Variants in RBFOX1 observed in about 807,000 individuals in gnomAD.
The protein encoded by RBFOX1 is RNA binding protein fox-1 homolog 1.
RBFOX1 carries 8 observed loss-of-function variants against 57.7 expected under a neutral mutation model. That is an observed-to-expected ratio of 0.14 (90% CI 0.08 to 0.25). RBFOX1 has a LOEUF of 0.25. Ranked by LOEUF, RBFOX1 falls within the 10% of genes least tolerant of loss-of-function variation. The pLI is 1.00. For missense variants in RBFOX1, 611 were observed against 548.5 expected (o/e 1.11, Z -1.14); for synonymous variants, 326 against 222.4 (o/e 1.47, Z -4.15).
intron 2 of RBFOX1, among the ~76,000 whole-genome samples, chr16:6,496,747 G>A (rs1467843776): frequency 6.6e-6 from 1 of 152,070 alleles, no homozygotes; most frequent in African/African-American, 2.4e-5. Context: ...ATCGCTTGAG[G>A]TCAGGAGTTC....
At chr16:7,666,970 A>G (rs1308874857) in intron 13 of RBFOX1, among the ~76,000 whole-genome samples, 1 of 152,194 alleles carries the variant, frequency 6.6e-6, no homozygotes, top group Non-Finnish European at 1.5e-5. Context: ...GTTTGTTCAT[A>G]AAACTGCCCT....
intron 1 of RBFOX1, among the ~76,000 whole-genome samples, chr16:5,344,724 C>G (rs777621324): frequency 6.6e-6 from 1 of 152,102 alleles, no homozygotes; most frequent in Non-Finnish European, 1.5e-5. Flanking sequence ...ATATTTGATA[C>G]ATTTTTGGTT....
At chr16:7,182,808 C>T (rs571931832) in intron 4 of RBFOX1, among the ~76,000 whole-genome samples, 3 of 152,272 alleles carry the variant, frequency 2.0e-5, no homozygotes, top group Non-Finnish European at 2.9e-5. Flanking sequence ...CTTAGAAATG[C>T]CTTCCCTTAA....
At chr16:5,917,699 C>A (rs1421909427) in intron 4 of RBFOX1, among the ~76,000 whole-genome samples, 1 of 152,198 alleles carries the variant, frequency 6.6e-6, no homozygotes. Flanking sequence ...ACCGTTTCTT[C>A]CCTGGATACC....
chr16:6,531,745 G>C (rs7206841), intron 2 of RBFOX1, among the ~76,000 whole-genome samples: 42,073 of 152,020 alleles, frequency 0.28, 6,704 homozygotes, highest in Middle Eastern at 0.44. Flanking sequence ...AACATCAAAA[G>C]GGATTACATG....
intron 4 of RBFOX1, among the ~76,000 whole-genome samples, chr16:5,901,171 C>G (rs994048038): frequency 6.6e-6 from 1 of 152,186 alleles, no homozygotes; most frequent in African/African-American, 2.4e-5. Context: ...TCCCTGGACC[C>G]TCTCAGCTTA....
chr16:6,983,688 G>A (rs2089545237), intron 3 of RBFOX1: 1 of 152,310 alleles, frequency 6.6e-6, no homozygotes, highest in South Asian at 2.1e-4. Flanking sequence ...TCGGTTCCTG[G>A]GAAAACAGTG....
intron 4 of RBFOX1, among the ~76,000 whole-genome samples, chr16:7,217,056 T>TTCCTCCCTCCCTCC (rs2092219770): frequency 1.8e-5 from 1 of 56,040 alleles, no homozygotes; most frequent in African/African-American, 6.8e-5. Context: ...TCCCTCCCTC[T>TTCCTCCCTCCCTCC]CTCTCCCTCT....
At chr16:7,017,804 C>G (rs866688148) in intron 3 of RBFOX1, among the ~76,000 whole-genome samples, 3 of 152,166 alleles carry the variant, frequency 2.0e-5, no homozygotes, top group African/African-American at 7.2e-5. Context: ...TCGTGGTGTG[C>G]TTAAGCGTTT....
chr16:6,596,817 G>A (rs1243008790), intron 2 of RBFOX1, among the ~76,000 whole-genome samples: 2 of 152,136 alleles, frequency 1.3e-5, no homozygotes, highest in Admixed American at 1.3e-4. Flanking sequence ...GGTGGATAAG[G>A]CATTTACAAT....
chr16:6,747,726 C>G (rs2074049046), intron 3 of RBFOX1, among the ~76,000 whole-genome samples: 1 of 152,110 alleles, frequency 6.6e-6, no homozygotes, highest in African/African-American at 2.4e-5. Context: ...TTCTGGGCAC[C>G]ATCCGCTTCA....
intron 4 of RBFOX1, among the ~76,000 whole-genome samples, chr16:7,102,089 C>A (rs536495894): frequency 6.6e-6 from 1 of 152,270 alleles, no homozygotes; most frequent in East Asian, 1.9e-4. Context: ...TTCTAACTCA[C>A]AACCAAACAT....
At chr16:7,246,684 C>A (rs1292392598) in intron 4 of RBFOX1, among the ~76,000 whole-genome samples, 2 of 138,308 alleles carry the variant, frequency 1.4e-5, no homozygotes, top group Admixed American at 7.4e-5. Flanking sequence ...TTATTCCTTC[C>A]CTTTCCTCCT....
intron 3 of RBFOX1, among the ~76,000 whole-genome samples, chr16:6,729,180 A>C (rs2067942534): frequency 6.6e-6 from 1 of 152,132 alleles, no homozygotes; most frequent in Admixed American, 6.6e-5. Context: ...CTGTCTTTCC[A>C]AAATAGACTT....
At chr16:7,225,916 A>ATATG (rs2093078206) in intron 4 of RBFOX1, among the ~76,000 whole-genome samples, 1 of 148,610 alleles carries the variant, frequency 6.7e-6, no homozygotes, top group Admixed American at 6.7e-5. Flanking sequence ...ATATATATAT[A>ATATG]TATAAATGTG....
Position 5,362,721 on chromosome 16 carries a change from C to T in RBFOX1, c.220-104495C>T, listed in dbSNP as rs564488178. 6.2e-4 allele frequency among the ~76,000 whole-genome samples: 95 copies of T among 152,086 alleles called. 1 individual carries two copies. Among genetic ancestry groups the T allele is most frequent in the Non-Finnish European group, 9.8e-4 (67 of 68,026 alleles). The stretch of plus-strand genomic sequence containing the variant: ...CTCCCCACCCTCTCCCCTCAGCCCC[C>T]GACAACCACCATTTTGCTCTGTTTC... On this transcript the variant is annotated intron_variant, in intron 1 of 2. Coordinates refer to the RBFOX1 transcript ENST00000585867.
intron 2 of RBFOX1, among the ~76,000 whole-genome samples, chr16:6,375,429 C>A (rs966926381): frequency 8.8e-5 from 13 of 147,384 alleles, no homozygotes; most frequent in African/African-American, 2.8e-4. Flanking sequence ...TTTTTTTTAA[C>A]CCTCCTAGGA....
At chr16:7,654,831 G>A (rs2065921899) in intron 12 of RBFOX1, among the ~76,000 whole-genome samples, 1 of 152,168 alleles carries the variant, frequency 6.6e-6, no homozygotes, top group Non-Finnish European at 1.5e-5. Flanking sequence ...AACAGGAATG[G>A]AGAGATGCTA....
intron 1 of RBFOX1, among the ~76,000 whole-genome samples, chr16:6,142,505 G>A (rs147433635): frequency 5.3e-5 from 8 of 152,136 alleles, no homozygotes; most frequent in South Asian, 2.1e-4. Context: ...ACAGGCGTGA[G>A]CCACCATGCC....
Sources: allele counts gnomAD v4.1 joint callset (sites outside exome capture counted in the v4.1 genomes callset), GRCh38; gene constraint gnomAD v4.1.1; transcripts MANE v1.5; gene names NCBI Gene and HGNC (gene_info 2026-07-23, HGNC 2026-07-21).